ADAMTSL3: variants seen among roughly 807,000 people sequenced by gnomAD.
ADAMTSL3 encodes ADAMTS-like protein 3.
Under a neutral mutation model 201.7 loss-of-function variants are expected in ADAMTSL3, and 128 were observed. The observed-to-expected ratio is 0.63, with a 90% CI of 0.55 to 0.73. ADAMTSL3 has a LOEUF of 0.73. Among genes scored for constraint, ADAMTSL3 ranks in the 30% least tolerant of loss-of-function variants. The pLI is 0.00. For synonymous variants in ADAMTSL3, 738 were observed against 748.4 expected (o/e 0.99, Z 0.23); for missense variants, 1,990 against 2,119.6 (o/e 0.94, Z 1.20).
At chr15:83,776,139 GT>G (rs1397868146) in intron 4 of ADAMTSL3, among the ~76,000 whole-genome samples, 1 of 152,168 alleles carries the variant, frequency 6.6e-6, no homozygotes, top group African/African-American at 2.4e-5. Flanking sequence ...AACTCTTCAA[GT>G]GGTATCCTTA....
intron 2 of ADAMTSL3, 27 bp downstream of exon 2, chr15:83,655,857 A>G (rs1366793207): frequency 1.9e-6 from 3 of 1,604,498 alleles, no homozygotes; most frequent in Admixed American, 3.3e-5. Context: ...AGGGGAAGGG[A>G]AATGGTGGAC....
At position 83,965,714 on chromosome 15, in the gene ADAMTSL3, A is replaced by G. The variant is rs139155853; in HGVS notation, c.2491-4770A>G. On this transcript the variant is annotated intron_variant, in intron 19 of 29. Transcript: ENST00000286744. ...GACGTCTACAGAACTCTCCACCCCA[A>G]ATCAACAGAATATACATTCTTCTCA... 6.5e-4 allele frequency among the ~76,000 whole-genome samples: 99 copies of G among 152,324 alleles called. 1 individual carries two copies. The East Asian group carries it at 0.017, about 26-fold the overall frequency.
intron 3 of ADAMTSL3, among the ~76,000 whole-genome samples, chr15:83,756,812 T>G (rs1473654576): frequency 6.6e-6 from 1 of 152,172 alleles, no homozygotes; most frequent in Non-Finnish European, 1.5e-5. Flanking sequence ...ATTGGGTAAA[T>G]ACACCATTCC....
chr15:83,994,762 ATT>A (rs58549986), intron 23 of ADAMTSL3, among the ~76,000 whole-genome samples: 2,563 of 112,392 alleles, frequency 0.023, 80 homozygotes, highest in African/African-American at 0.078. Context: ...ATGCCTGGCT[ATT>A]TTTTTTTTTT....
intron 6 of ADAMTSL3, among the ~76,000 whole-genome samples, chr15:83,834,786 G>A (rs2141968032): frequency 6.6e-6 from 1 of 152,268 alleles, no homozygotes; most frequent in Non-Finnish European, 1.5e-5. Context: ...ATGCTCTGTA[G>A]TGTCTGGCAG....
intron 20 of ADAMTSL3, among the ~76,000 whole-genome samples, chr15:83,974,028 A>AC (rs1425394052): frequency 6.6e-6 from 1 of 152,068 alleles, no homozygotes; most frequent in Non-Finnish European, 1.5e-5. Flanking sequence ...CCAACAGCAT[A>AC]CCCTATAGTC....
intron 16 of ADAMTSL3, among the ~76,000 whole-genome samples, chr15:83,913,838 T>G (rs2065980258): frequency 6.6e-6 from 1 of 152,194 alleles, no homozygotes; most frequent in South Asian, 2.1e-4. Context: ...TGATTTATGT[T>G]TGTGTACATA....
chr15:84,025,895 TAA>T (rs1306862465), intron 27 of ADAMTSL3, among the ~76,000 whole-genome samples: 1 of 152,058 alleles, frequency 6.6e-6, no homozygotes, highest in Non-Finnish European at 1.5e-5. Flanking sequence ...GTTGAGCAAA[TAA>T]AAGACTTATT....
intron 3 of ADAMTSL3, among the ~76,000 whole-genome samples, chr15:83,753,848 T>C (rs2062676567): frequency 6.6e-6 from 1 of 152,182 alleles, no homozygotes; most frequent in Admixed American, 6.6e-5. Context: ...ATTACATCCA[T>C]GTAGAGTACT....
At chr15:83,705,145 A>C (rs1376813306) in intron 3 of ADAMTSL3, among the ~76,000 whole-genome samples, 1 of 152,176 alleles carries the variant, frequency 6.6e-6, no homozygotes, top group Non-Finnish European at 1.5e-5. Context: ...CTTTGAAATC[A>C]CTCACAACTT....
rs115022176 is a variant in ADAMTSL3 at position 83,905,081 on chromosome 15, C to T, written c.1700+5350C>T. On this transcript the variant is annotated intron_variant, in intron 15 of 29. Coordinates refer to ENST00000286744, the MANE Select transcript of ADAMTSL3 (RefSeq NM_207517.3). ...TTCATTTTGGGGCTGAGGAAACAGG[C>T]GTAGAAACATAAAGGAATTGTTTTG... Among the ~76,000 whole-genome samples the T allele has an allele frequency of 3.6e-3, 546 of 152,148 alleles. 3 individuals carry two copies. The highest frequency in any genetic ancestry group is 0.012 in the African/African-American group (509 of 41,490).
chr15:84,033,023 C>A (rs950258656), intron 28 of ADAMTSL3, among the ~76,000 whole-genome samples: 1 of 152,174 alleles, frequency 6.6e-6, no homozygotes, highest in Non-Finnish European at 1.5e-5. Context: ...AAATTTATCT[C>A]ATTGTAATGT....
Position 83,787,088 on chromosome 15 carries a change from A to G in ADAMTSL3, c.317+13438A>G, listed in dbSNP as rs905849613. ...CTTTTCTCCTTGTTCTGGTTGACAC[A>G]TGGTTGATCATAAAAATGCCTTTTG... On this transcript the variant is annotated intron_variant, in intron 4 of 29. Coordinates refer to ENST00000286744, the MANE Select transcript of ADAMTSL3 (RefSeq NM_207517.3). Among the ~76,000 whole-genome samples, 7 of 152,094 alleles carry G rather than the reference A, an allele frequency of 4.6e-5. No individual in the cohort carries two copies. In the South Asian group the frequency reaches 8.3e-4, roughly 18 times the overall value.
intron 4 of ADAMTSL3, among the ~76,000 whole-genome samples, chr15:83,781,299 A>G (rs1192111830): frequency 2.0e-5 from 3 of 152,206 alleles, no homozygotes; most frequent in Non-Finnish European, 4.4e-5. Context: ...AAACCTAGAA[A>G]TAAGGCCACA....
At chr15:84,021,327 A>G (rs944415912) in intron 25 of ADAMTSL3, 83 bp from the exon 26 acceptor site, 17 of 1,468,558 alleles carry the variant, frequency 1.2e-5, no homozygotes, top group Non-Finnish European at 1.6e-5. Flanking sequence ...AAAACATCTC[A>G]TGGTGGTTTT....
At position 83,911,945 on chromosome 15, in the gene ADAMTSL3, T is replaced by C. The variant is rs568264010; in HGVS notation, c.1701-1147T>C. On this transcript the variant is annotated intron_variant, in intron 15 of 29. Coordinates refer to ENST00000286744, the MANE Select transcript of ADAMTSL3 (RefSeq NM_207517.3). ...AAATGATGCACGTAATATTTCTCTCTTAAGCATTTGTAGTTTGCATTTATA... is the reference window on the plus strand; with the variant it reads ...AAATGATGCACGTAATATTTCTCTCCTAAGCATTTGTAGTTTGCATTTATA... Among the ~76,000 whole-genome samples, 9 of 152,362 alleles carry C rather than the reference T, an allele frequency of 5.9e-5. No individual in the cohort carries two copies. The South Asian group carries it at 1.0e-3, about 18-fold the overall frequency.
At chr15:83,742,409 A>C (rs1183896013) in intron 3 of ADAMTSL3, among the ~76,000 whole-genome samples, 1 of 152,176 alleles carries the variant, frequency 6.6e-6, no homozygotes, top group African/African-American at 2.4e-5. Context: ...AACTTATGAC[A>C]GTAGAAAAAC....
intron 3 of ADAMTSL3, among the ~76,000 whole-genome samples, chr15:83,755,102 C>G (rs1270494139): frequency 1.3e-5 from 2 of 152,058 alleles, no homozygotes; most frequent in Admixed American, 1.3e-4. Flanking sequence ...CTTTTATAAT[C>G]CTGTTGTAAA....
At chr15:83,865,914 C>G (rs1182794628) in intron 8 of ADAMTSL3, among the ~76,000 whole-genome samples, 1 of 151,956 alleles carries the variant, frequency 6.6e-6, no homozygotes, top group Non-Finnish European at 1.5e-5. Context: ...AACAAATTTA[C>G]AAGAAAAAAA....
Sources: allele counts gnomAD v4.1 joint callset (sites outside exome capture counted in the v4.1 genomes callset), GRCh38; gene constraint gnomAD v4.1.1; transcripts MANE v1.5; gene names NCBI Gene and HGNC (gene_info 2026-07-23, HGNC 2026-07-21).